PABPC4L: variants seen among roughly 807,000 people sequenced by gnomAD.
The protein encoded by PABPC4L is poly(A) binding protein cytoplasmic 4 like.
For missense variants in PABPC4L, 452 were observed against 451.4 expected (o/e 1.00, Z -0.01); for synonymous variants, 169 against 164.1 (o/e 1.03, Z -0.23).
At chr4:134,068,112 A>G in the PABPC4L span, among the ~76,000 whole-genome samples, 1 of 152,130 alleles carries the variant, frequency 6.6e-6, no homozygotes, top group Non-Finnish European at 1.5e-5. Flanking sequence ...TAATAACGTT[A>G]GTGGAGTGCT....
At chr4:133,989,393 C>T in the PABPC4L span, among the ~76,000 whole-genome samples, 1 of 152,262 alleles carries the variant, frequency 6.6e-6, no homozygotes, top group African/African-American at 2.4e-5. Context: ...GTTCAAAGTT[C>T]CACAGATCTC....
the PABPC4L span, among the ~76,000 whole-genome samples, chr4:134,176,657 C>T: frequency 2.0e-5 from 3 of 151,976 alleles, no homozygotes; most frequent in African/African-American, 7.2e-5. Flanking sequence ...AAAACCACGT[C>T]GGGATCCATC....
the PABPC4L span, among the ~76,000 whole-genome samples, chr4:134,155,923 G>A: frequency 3.9e-5 from 6 of 151,936 alleles, no homozygotes; most frequent in Non-Finnish European, 8.8e-5. Flanking sequence ...AATTCAAAAT[G>A]AGCCAAGGTA....
At chr4:134,169,157 T>C in the PABPC4L span, among the ~76,000 whole-genome samples, 4,416 of 152,134 alleles carry the variant, frequency 0.029, 211 homozygotes, top group African/African-American at 0.1. Flanking sequence ...ATATGCAAAT[T>C]GAAAACTGTG....
chr4:134,168,106 A>G, the PABPC4L span, among the ~76,000 whole-genome samples: 1 of 152,112 alleles, frequency 6.6e-6, no homozygotes, highest in Admixed American at 6.6e-5. Context: ...AAAACTAGAA[A>G]TCAATAACAA....
chr4:134,048,983 AC>A, the PABPC4L span, among the ~76,000 whole-genome samples: 1 of 152,116 alleles, frequency 6.6e-6, no homozygotes, highest in Non-Finnish European at 1.5e-5. Flanking sequence ...AGTATAAAAT[AC>A]AAAATTTGGG....
chr4:134,098,302 G>T, the PABPC4L span, among the ~76,000 whole-genome samples: 1 of 151,650 alleles, frequency 6.6e-6, no homozygotes, highest in African/African-American at 2.4e-5. Flanking sequence ...AGTATGATTT[G>T]CAGATTTACA....
chr4:134,155,850 C>T, the PABPC4L span, among the ~76,000 whole-genome samples: 1 of 151,952 alleles, frequency 6.6e-6, no homozygotes, highest in African/African-American at 2.4e-5. Context: ...TATTCACCTA[C>T]AAACTTTTAA....
chr4:133,952,251 G>T, the PABPC4L span, among the ~76,000 whole-genome samples: 1 of 152,138 alleles, frequency 6.6e-6, no homozygotes, highest in East Asian at 1.9e-4. Flanking sequence ...CATTGGTACT[G>T]TGGCTTTCTC....
In PABPC4L at chr4:134,200,959, C is replaced by T. The variant is rs778148280; in HGVS notation, c.61G>A (p.Val21Ile). Residue 21 changes from valine to isoleucine, a missense_variant, in exon 2 of 2, where the codon GTC becomes ATC. Transcript: ENST00000421491. ...TTCCTGAACAGCAGGTCCTCGGTGA[C>T]ATCTGCATGTAAGTCACCCACATAC... ...SLYVGDLHAD[V>I]TEDLLFRKFS... 6.4e-7 allele frequency: 1 copy of T among 1,555,136 alleles called. No individual in the cohort carries two copies. The highest frequency in any genetic ancestry group is 1.2e-5 in the South Asian group (1 of 84,192).
At chr4:134,162,363 A>G in the PABPC4L span, among the ~76,000 whole-genome samples, 6 of 152,244 alleles carry the variant, frequency 3.9e-5, no homozygotes, top group Admixed American at 1.3e-4. Context: ...CAGATCCATA[A>G]AACAATTAAT....
the PABPC4L span, among the ~76,000 whole-genome samples, chr4:134,037,770 A>G: frequency 6.6e-6 from 1 of 152,180 alleles, no homozygotes. Context: ...ATCTGCAAAA[A>G]GAAACAATTT....
chr4:134,070,887 A>G, the PABPC4L span, among the ~76,000 whole-genome samples: 2 of 152,088 alleles, frequency 1.3e-5, no homozygotes, highest in Admixed American at 6.6e-5. Flanking sequence ...TGTCTCATGG[A>G]CAAGACTACT....
chr4:134,003,044 G>A, the PABPC4L span, among the ~76,000 whole-genome samples: 1 of 151,774 alleles, frequency 6.6e-6, no homozygotes, highest in East Asian at 1.9e-4. Flanking sequence ...TTGCATGAAG[G>A]CTTAAATTCA....
At chr4:134,121,299 T>C in the PABPC4L span, among the ~76,000 whole-genome samples, 2 of 151,608 alleles carry the variant, frequency 1.3e-5, no homozygotes, top group African/African-American at 4.8e-5. Context: ...TTTTTTATTA[T>C]TTACTTTTAA....
the PABPC4L span, among the ~76,000 whole-genome samples, chr4:134,149,340 A>T: frequency 2.0e-5 from 3 of 152,196 alleles, no homozygotes; most frequent in African/African-American, 7.2e-5. Context: ...ACTTTTAAAC[A>T]CTGGAATGAA....
the PABPC4L span, among the ~76,000 whole-genome samples, chr4:133,967,579 A>T: frequency 6.6e-6 from 1 of 152,210 alleles, no homozygotes. Flanking sequence ...TAAATAGAAG[A>T]AGAGGACCTA....
the PABPC4L span, among the ~76,000 whole-genome samples, chr4:134,170,349 T>C: frequency 6.6e-6 from 1 of 152,170 alleles, no homozygotes; most frequent in Admixed American, 6.6e-5. Flanking sequence ...TTTTTATGAA[T>C]AGTATGGAAT....
the PABPC4L span, among the ~76,000 whole-genome samples, chr4:134,006,080 A>G: frequency 1.3e-5 from 2 of 151,880 alleles, no homozygotes; most frequent in Non-Finnish European, 2.9e-5. Flanking sequence ...AATATATACA[A>G]ATATAACTAA....
Sources: allele counts gnomAD v4.1 joint callset (sites outside exome capture counted in the v4.1 genomes callset), GRCh38; gene constraint gnomAD v4.1.1; transcripts MANE v1.5; gene names NCBI Gene and HGNC (gene_info 2026-07-23, HGNC 2026-07-21).